Variants in CADPS2 observed in about 807,000 individuals in gnomAD.
The protein encoded by CADPS2 is calcium-dependent secretion activator 2.
Under a neutral mutation model 172.5 loss-of-function variants are expected in CADPS2, and 93 were observed. The ratio of observed to expected loss-of-function variants is 0.54; its 90% CI spans 0.46 to 0.64. The LOEUF (loss-of-function observed/expected upper bound fraction) is 0.64. Among genes scored for constraint, CADPS2 ranks in the 30% least tolerant of loss-of-function variants. The probability of loss-of-function intolerance (pLI) is 0.00; values close to 1 mark genes in which losing one functional copy is unlikely to be tolerated. For synonymous variants in CADPS2, 546 were observed against 555.2 expected (o/e 0.98, Z 0.23); for missense variants, 1,420 against 1,565.9 (o/e 0.91, Z 1.57).
At chr7:122,853,195 A>G (rs1814168294) in intron 1 of CADPS2, among the ~76,000 whole-genome samples, 1 of 151,874 alleles carries the variant, frequency 6.6e-6, no homozygotes, top group African/African-American at 2.4e-5. Context: ...GTCAATAGAC[A>G]AATGAGATAC....
At chr7:122,350,497 T>A (rs890628352) in intron 27 of CADPS2, among the ~76,000 whole-genome samples, 1 of 152,180 alleles carries the variant, frequency 6.6e-6, no homozygotes, top group East Asian at 1.9e-4. Context: ...TTATATGTTC[T>A]CACATAAAAA....
chr7:122,621,494 G>T lies in CADPS2; in HGVS notation c.1091C>A (p.Ser364Ter). Residue 364 changes from serine to a stop codon, truncating the protein, a stop_gained, in exon 5 of 30, where the codon TCA becomes TAA. Coordinates refer to ENST00000449022, the MANE Select transcript of CADPS2 (RefSeq NM_017954.11). LOFTEE classifies it high-confidence loss of function. The stretch of plus-strand genomic sequence containing the variant: ...AAAGCTACTTACCTCTAAGGTGAAT[G>T]ACAGTACCACGTCGGACTTTGACAG... ...IQLSKSDVVL[S>*]FTLEIVIMEV... 1 of 1,610,702 alleles carries T rather than the reference G, an allele frequency of 6.2e-7. No individual in the cohort carries two copies. The highest frequency in any genetic ancestry group is 1.1e-5 in the South Asian group (1 of 90,990).
chr7:122,647,779 T>G (rs1475494825), intron 3 of CADPS2, among the ~76,000 whole-genome samples: 1 of 152,192 alleles, frequency 6.6e-6, no homozygotes, highest in Non-Finnish European at 1.5e-5. Context: ...TGAGAAGCTG[T>G]GCTAATCAGA....
At chr7:122,636,664 C>G (rs145995080) in intron 3 of CADPS2, among the ~76,000 whole-genome samples, 2 of 152,034 alleles carry the variant, frequency 1.3e-5, no homozygotes, top group African/African-American at 2.4e-5. Flanking sequence ...CAAGGTTTCA[C>G]CATGTTGACC....
At chr7:122,594,736 A>C (rs1033895890) in intron 6 of CADPS2, among the ~76,000 whole-genome samples, 13 of 151,820 alleles carry the variant, frequency 8.6e-5, no homozygotes, top group Non-Finnish European at 1.6e-4. Context: ...ATTAGCTTGA[A>C]GCACCTAATT....
At chr7:122,541,960 A>G (rs1174530261) in intron 8 of CADPS2, among the ~76,000 whole-genome samples, 1 of 149,636 alleles carries the variant, frequency 6.7e-6, no homozygotes, top group Non-Finnish European at 1.5e-5. Context: ...AGTTACATGG[A>G]ATATATCATA....
intron 7 of CADPS2, among the ~76,000 whole-genome samples, chr7:122,564,576 G>A (rs2066161613): frequency 2.0e-5 from 3 of 151,880 alleles, no homozygotes; most frequent in Admixed American, 2.0e-4. Context: ...CAAAGTGCTG[G>A]GATTACAGGT....
intron 1 of CADPS2, among the ~76,000 whole-genome samples, chr7:122,799,693 C>A (rs1395664169): frequency 6.6e-6 from 1 of 151,476 alleles, no homozygotes; most frequent in African/African-American, 2.4e-5. Flanking sequence ...AGATTATAAT[C>A]TATGTGTCAA....
intron 3 of CADPS2, among the ~76,000 whole-genome samples, chr7:122,653,852 T>A (rs559253906): frequency 6.6e-6 from 1 of 152,290 alleles, no homozygotes; most frequent in Admixed American, 6.5e-5. Context: ...ATAAATGTTA[T>A]GTGTGTTCTG....
chr7:122,481,655 C>G (rs1395597855), intron 11 of CADPS2, among the ~76,000 whole-genome samples: 1 of 149,558 alleles, frequency 6.7e-6, no homozygotes, highest in Non-Finnish European at 1.5e-5. Flanking sequence ...CATGGGAATC[C>G]CATAGCCTGA....
intron 3 of CADPS2, among the ~76,000 whole-genome samples, chr7:122,651,172 G>C (rs556978217): frequency 6.6e-6 from 1 of 151,216 alleles, no homozygotes; most frequent in South Asian, 2.1e-4. Context: ...CAATGTAACT[G>C]TCAGTAGAAT....
chr7:122,670,105 A>C (rs1031236687), intron 2 of CADPS2, among the ~76,000 whole-genome samples: 1 of 151,938 alleles, frequency 6.6e-6, no homozygotes, highest in Admixed American at 6.6e-5. Context: ...ACAGCCTTGC[A>C]ACTGCTTCAG....
At chr7:122,650,601 G>T (rs562922405) in intron 3 of CADPS2, among the ~76,000 whole-genome samples, 2 of 152,106 alleles carry the variant, frequency 1.3e-5, no homozygotes, top group Non-Finnish European at 2.9e-5. Context: ...GCTGGAGAAA[G>T]CAAAGACAAA....
chr7:122,752,509 T>G (rs17144799), intron 1 of CADPS2, among the ~76,000 whole-genome samples: 2,238 of 152,302 alleles, frequency 0.015, 54 homozygotes, highest in African/African-American at 0.051. Flanking sequence ...ACACTAAAAT[T>G]GTTTGCATAT....
intron 1 of CADPS2, among the ~76,000 whole-genome samples, chr7:122,851,776 T>C (rs1424144496): frequency 6.6e-6 from 1 of 152,142 alleles, no homozygotes; most frequent in Non-Finnish European, 1.5e-5. Context: ...GAGAACAGCA[T>C]GGGAAAGACC....
Position 122,886,420 on chromosome 7 carries a change from C to G in CADPS2, c.-83G>C. 1.4e-6 allele frequency: 2 copies of G among 1,416,106 alleles called. No homozygotes were observed. Among genetic ancestry groups the G allele is most frequent in the Non-Finnish European group, 1.8e-6 (2 of 1,097,964 alleles). 87.7% of individuals were successfully genotyped at this position (1,416,106 alleles called of 1,614,324 possible). A position where few individuals can be genotyped will look rare whatever the true frequency, so the allele number is the denominator to read the frequency against. ...GCTGCGCCCGCGGGTCTGAGGGAGC[C>G]GCGGGGCTGGCTGCAGCGGCCGCAG... On this transcript the variant is annotated 5_prime_UTR_variant, in exon 1 of 30. Transcript: ENST00000449022.
intron 17 of CADPS2, among the ~76,000 whole-genome samples, chr7:122,426,906 A>G (rs533640150): frequency 6.6e-6 from 1 of 152,336 alleles, no homozygotes; most frequent in South Asian, 2.1e-4. Flanking sequence ...TAAAAAAACA[A>G]CAAGTACATG....
intron 14 of CADPS2, among the ~76,000 whole-genome samples, chr7:122,463,602 A>G (rs952788006): frequency 2.0e-5 from 3 of 152,252 alleles, no homozygotes; most frequent in Admixed American, 1.3e-4. Context: ...AAACTCTTAG[A>G]AAAGAAGAAA....
At chr7:122,613,225 A>C (rs1191683555) in intron 6 of CADPS2, among the ~76,000 whole-genome samples, 2 of 152,176 alleles carry the variant, frequency 1.3e-5, no homozygotes, top group Admixed American at 6.6e-5. Context: ...ACAAATCAAG[A>C]AAGTGAAAAA....
Sources: allele counts gnomAD v4.1 joint callset (sites outside exome capture counted in the v4.1 genomes callset), GRCh38; gene constraint gnomAD v4.1.1; transcripts MANE v1.5; gene names NCBI Gene and HGNC (gene_info 2026-07-23, HGNC 2026-07-21).